DNER: variants seen among roughly 807,000 people sequenced by gnomAD.
The protein encoded by DNER is delta and Notch-like epidermal growth factor-related receptor.
In DNER, 33 loss-of-function variants were observed where a neutral mutation model predicts 78.2. The observed-to-expected ratio is 0.42, with a 90% confidence interval of 0.32 to 0.56. DNER has a LOEUF of 0.56. Among genes scored for constraint, DNER ranks in the 20% least tolerant of loss-of-function variants. The pLI is 0.11. For synonymous variants in DNER, 417 were observed against 384.8 expected (o/e 1.08, Z -0.98); for missense variants, 918 against 975.3 (o/e 0.94, Z 0.78).
At chr2:229,682,071 C>A (rs1699397066) in intron 1 of DNER, among the ~76,000 whole-genome samples, 1 of 152,104 alleles carries the variant, frequency 6.6e-6, no homozygotes, top group Admixed American at 6.5e-5. Context: ...GGGGAGATGG[C>A]ACCCAAGAAG....
At chr2:229,362,777 C>A (rs1262864318) in intron 12 of DNER, among the ~76,000 whole-genome samples, 1 of 152,186 alleles carries the variant, frequency 6.6e-6, no homozygotes, top group Admixed American at 6.5e-5. Context: ...TCAGTTAGCA[C>A]GGACATCTCA....
At chr2:229,662,503 G>A (rs1699024659) in intron 1 of DNER, among the ~76,000 whole-genome samples, 1 of 152,188 alleles carries the variant, frequency 6.6e-6, no homozygotes, top group African/African-American at 2.4e-5. Context: ...GTCACCCAGA[G>A]AGTAAGTGGC....
chr2:229,581,722 G>A (rs1697400261), intron 4 of DNER, among the ~76,000 whole-genome samples: 2 of 152,126 alleles, frequency 1.3e-5, no homozygotes, highest in Admixed American at 6.5e-5. Flanking sequence ...CTCTTAATCC[G>A]GAATGTAGAA....
intron 1 of DNER, among the ~76,000 whole-genome samples, chr2:229,688,357 G>A (rs911147404): frequency 6.6e-6 from 1 of 152,218 alleles, no homozygotes; most frequent in East Asian, 1.9e-4. Flanking sequence ...GCAACATTGA[G>A]CAAGCCACAC....
chr2:229,665,622 A>T (rs906662319), intron 1 of DNER, among the ~76,000 whole-genome samples: 1 of 152,244 alleles, frequency 6.6e-6, no homozygotes, highest in African/African-American at 2.4e-5. Flanking sequence ...ATAATAAAAA[A>T]TGCCAAATTG....
intron 1 of DNER, among the ~76,000 whole-genome samples, chr2:229,631,346 C>T (rs1276455426): frequency 6.6e-6 from 1 of 152,160 alleles, no homozygotes; most frequent in African/African-American, 2.4e-5. Flanking sequence ...TTTTCCTGTA[C>T]CCCAGTGATT....
chr2:229,599,235 G>A (rs576031503), intron 1 of DNER, among the ~76,000 whole-genome samples: 2 of 152,240 alleles, frequency 1.3e-5, no homozygotes, highest in South Asian at 4.2e-4. Context: ...ATTTGTGTAT[G>A]GTATTAAGAA....
chr2:229,593,366 C>T (rs747284996), intron 1 of DNER, among the ~76,000 whole-genome samples: 1 of 152,186 alleles, frequency 6.6e-6, no homozygotes, highest in Admixed American at 6.5e-5. Context: ...CTGCCCAGAA[C>T]ACTTTTTCTC....
At chr2:229,649,431 T>C (rs35392477) in intron 1 of DNER, among the ~76,000 whole-genome samples, 31,582 of 152,170 alleles carry the variant, frequency 0.21, 3,772 homozygotes, top group African/African-American at 0.32. Flanking sequence ...GATATGCAGA[T>C]AAATGTTTAA....
At chr2:229,542,596 T>C (rs1382876921) in intron 5 of DNER, among the ~76,000 whole-genome samples, 2 of 152,152 alleles carry the variant, frequency 1.3e-5, no homozygotes, top group African/African-American at 4.8e-5. Flanking sequence ...CTATTTGTTT[T>C]GTGCTATGGA....
At chr2:229,426,076 A>T (rs1293829664) in intron 8 of DNER, among the ~76,000 whole-genome samples, 1 of 152,068 alleles carries the variant, frequency 6.6e-6, no homozygotes, top group Non-Finnish European at 1.5e-5. Context: ...AAAATGTGAA[A>T]ACCCATGACT....
intron 9 of DNER, among the ~76,000 whole-genome samples, chr2:229,411,414 G>A (rs1365385232): frequency 1.3e-5 from 2 of 151,948 alleles, no homozygotes; most frequent in Admixed American, 1.3e-4. Context: ...AAAATTAGCC[G>A]GGCATGGTGG....
At chr2:229,416,176 C>A (rs923491871) in intron 9 of DNER, among the ~76,000 whole-genome samples, 1 of 152,212 alleles carries the variant, frequency 6.6e-6, no homozygotes, top group African/African-American at 2.4e-5. Flanking sequence ...TCTTTTCACT[C>A]GTGGTTTCCA....
chr2:229,533,737 T>C (rs1478835048), intron 5 of DNER, among the ~76,000 whole-genome samples: 1 of 152,142 alleles, frequency 6.6e-6, no homozygotes, highest in African/African-American at 2.4e-5. Context: ...AGACAAACTG[T>C]GGTTATTCAG....
chr2:229,691,347 T>C (rs1386528592), intron 1 of DNER, among the ~76,000 whole-genome samples: 1 of 152,158 alleles, frequency 6.6e-6, no homozygotes, highest in Non-Finnish European at 1.5e-5. Context: ...AGAGTTTATT[T>C]CTACCACATC....
At chr2:229,700,870 G>A (rs1446403779) in intron 1 of DNER, among the ~76,000 whole-genome samples, 2 of 151,006 alleles carry the variant, frequency 1.3e-5, no homozygotes, top group East Asian at 3.9e-4. Context: ...TCCAGCCTGG[G>A]CGACAGAGCG....
chr2:229,448,011 A>G (rs1449769225), intron 7 of DNER, among the ~76,000 whole-genome samples: 3 of 152,204 alleles, frequency 2.0e-5, no homozygotes, highest in African/African-American at 7.2e-5. Flanking sequence ...TTAAAACCAT[A>G]TCAAATAGTA....
chr2:229,570,791 G>A (rs950807528), intron 4 of DNER, among the ~76,000 whole-genome samples: 9 of 152,108 alleles, frequency 5.9e-5, no homozygotes, highest in Non-Finnish European at 1.3e-4. Context: ...GCAGGTGGGG[G>A]AGGGAGTCCA....
intron 5 of DNER, among the ~76,000 whole-genome samples, chr2:229,520,432 T>A (rs1696071849): frequency 6.6e-6 from 1 of 152,184 alleles, no homozygotes; most frequent in Non-Finnish European, 1.5e-5. Context: ...AATTTTGATT[T>A]CCATCGTGAG....
Sources: gnomAD v4.1 joint callset for allele counts (sites outside exome capture counted in the v4.1 genomes callset) on GRCh38, gnomAD v4.1.1 for gene constraint, MANE v1.5 for transcripts, NCBI Gene and HGNC (gene_info 2026-07-23, HGNC 2026-07-21) for gene names.